The following SYTL5 variants were observed in gnomAD, a reference collection of about 807,000 sequenced individuals.
SYTL5 encodes synaptotagmin like 5, also known as synaptotagmin-like protein 5.
In SYTL5, 34 loss-of-function variants were observed where a neutral mutation model predicts 55.9. That is an observed-to-expected ratio of 0.61 (90% confidence interval 0.46 to 0.81). The LOEUF (loss-of-function observed/expected upper bound fraction) is 0.81. Ranked by LOEUF, SYTL5 falls within the 30% of genes least tolerant of loss-of-function variation. The probability of loss-of-function intolerance (pLI) is 0.00; values close to 1 mark genes in which losing one functional copy is unlikely to be tolerated. For synonymous variants in SYTL5, 221 were observed against 188.7 expected (o/e 1.17, Z -1.40); for missense variants, 637 against 546.7 (o/e 1.17, Z -1.65).
intron 13 of SYTL5, among the ~76,000 whole-genome samples, chrX:38,115,483 CAAAAAAAAAAAAAA>C (rs772227891): frequency 1.1e-4 from 2 of 17,476 alleles, no homozygotes; most frequent in African/African-American, 4.2e-4. Flanking sequence ...GACTCCGTCT[CAAAAAAAAAAAAAA>C]AAAAAAAAAA....
the SYTL5 span, among the ~76,000 whole-genome samples, chrX:37,891,764 G>A: frequency 9.0e-6 from 1 of 111,457 alleles, no homozygotes; most frequent in Non-Finnish European, 1.9e-5. Flanking sequence ...TACTTATAAA[G>A]AAACAAACAT....
chrX:37,893,798 A>G, the SYTL5 span, among the ~76,000 whole-genome samples: 2 of 92,189 alleles, frequency 2.2e-5, no homozygotes, highest in Non-Finnish European at 4.2e-5. Flanking sequence ...AGATTAGTAT[A>G]TATAATCTAT....
At chrX:37,934,331 C>T in the SYTL5 span, among the ~76,000 whole-genome samples, 2 of 109,786 alleles carry the variant, frequency 1.8e-5, no homozygotes, top group African/African-American at 6.6e-5. Context: ...CAATGTCTTA[C>T]AAGTACAGAA....
chrX:37,928,611 G>C, the SYTL5 span, among the ~76,000 whole-genome samples: 1 of 111,303 alleles, frequency 9.0e-6, no homozygotes, highest in Non-Finnish European at 1.9e-5. Flanking sequence ...CTTCTCTCTG[G>C]ATCTACCCAA....
At chrX:37,936,823 C>T in the SYTL5 span, among the ~76,000 whole-genome samples, 1 of 110,186 alleles carries the variant, frequency 9.1e-6, no homozygotes, top group African/African-American at 3.3e-5. Flanking sequence ...GAGCAGATCA[C>T]CTGAGGTTGG....
At chrX:38,014,977 A>G (rs1934304212) in intron 1 of SYTL5, among the ~76,000 whole-genome samples, 1 of 112,028 alleles carries the variant, frequency 8.9e-6, no homozygotes, top group Non-Finnish European at 1.9e-5. Flanking sequence ...GGTTTGCCCA[A>G]TGCAGTTCCC....
the SYTL5 span, among the ~76,000 whole-genome samples, chrX:37,929,825 G>T: frequency 8.9e-6 from 1 of 112,087 alleles, no homozygotes; most frequent in Admixed American, 9.4e-5. Flanking sequence ...ATGAATGAGA[G>T]ACGTGAAAAC....
At chrX:38,017,721 G>GCAAAAA (rs1934406446) in intron 1 of SYTL5, among the ~76,000 whole-genome samples, 3 of 107,195 alleles carry the variant, frequency 2.8e-5, no homozygotes, top group Non-Finnish European at 3.9e-5. Flanking sequence ...AAAGTTTTTT[G>GCAAAAA]ACTTTGTAAT....
intron 10 of SYTL5, among the ~76,000 whole-genome samples, chrX:38,103,978 C>T (rs1937145275): frequency 8.9e-6 from 1 of 111,918 alleles, no homozygotes; most frequent in Non-Finnish European, 1.9e-5. Flanking sequence ...TTAAATAGCA[C>T]CTATTACTTA....
At chrX:37,981,838 C>T in the SYTL5 span, among the ~76,000 whole-genome samples, 1 of 111,652 alleles carries the variant, frequency 9.0e-6, no homozygotes, top group Non-Finnish European at 1.9e-5. Context: ...TGAGGAGCAG[C>T]ATCAAAGGTT....
chrX:37,966,330 T>C, the SYTL5 span, among the ~76,000 whole-genome samples: 1 of 111,316 alleles, frequency 9.0e-6, no homozygotes, highest in Non-Finnish European at 1.9e-5. Context: ...AAATGTCTTA[T>C]AGGAGTCTAT....
intron 11 of SYTL5, among the ~76,000 whole-genome samples, chrX:38,107,049 A>C (rs982173380): frequency 8.9e-6 from 1 of 112,556 alleles, no homozygotes; most frequent in African/African-American, 3.2e-5. Flanking sequence ...ACATGTTGGC[A>C]CACCCAGGAT....
intron 6 of SYTL5, among the ~76,000 whole-genome samples, chrX:38,086,122 G>A (rs1936656552): frequency 9.0e-6 from 1 of 111,379 alleles, no homozygotes; most frequent in Admixed American, 9.6e-5. Context: ...CCCCCTAAAC[G>A]ACCTCCACCT....
chrX:37,956,533 A>T, the SYTL5 span, among the ~76,000 whole-genome samples: 2 of 112,475 alleles, frequency 1.8e-5, no homozygotes, highest in East Asian at 5.5e-4. Flanking sequence ...TAAGTAAAAT[A>T]ATGCATTATT....
At chrX:38,082,614 A>G (rs1468988397) in intron 6 of SYTL5, among the ~76,000 whole-genome samples, 1 of 112,564 alleles carries the variant, frequency 8.9e-6, no homozygotes, top group Non-Finnish European at 1.9e-5. Context: ...TTTAAATACA[A>G]TATAGTAATA....
At chrX:37,990,722 C>T in the SYTL5 span, 1 of 1,042,130 alleles carries the variant, frequency 9.6e-7, no homozygotes, top group South Asian at 2.5e-5. Flanking sequence ...AGCTCCCTGA[C>T]CAATAAGGGC....
At chrX:38,045,285 C>T (rs1485577140) in intron 2 of SYTL5, among the ~76,000 whole-genome samples, 1 of 112,144 alleles carries the variant, frequency 8.9e-6, no homozygotes, top group East Asian at 2.8e-4. Context: ...TGTCCCTTTG[C>T]ATATATGAGC....
At chrX:37,904,819 T>C in the SYTL5 span, among the ~76,000 whole-genome samples, 21 of 111,319 alleles carry the variant, frequency 1.9e-4, no homozygotes, top group African/African-American at 6.2e-4. Flanking sequence ...TGAAATGCTG[T>C]CCTCAAGTTG....
At chrX:38,000,186 G>A in the SYTL5 span, among the ~76,000 whole-genome samples, 1 of 111,777 alleles carries the variant, frequency 8.9e-6, no homozygotes, top group Non-Finnish European at 1.9e-5. Context: ...CTTAGACTTC[G>A]AAAACCTAGG....
Sources: gnomAD v4.1 joint callset for allele counts (sites outside exome capture counted in the v4.1 genomes callset) on GRCh38, gnomAD v4.1.1 for gene constraint, MANE v1.5 for transcripts, NCBI Gene and HGNC (gene_info 2026-07-23, HGNC 2026-07-21) for gene names.